Variants in GRAMD1B observed in about 807,000 individuals in gnomAD.
GRAMD1B encodes GRAM domain containing 1B, also known as protein Aster-B.
Under a neutral mutation model 99.7 loss-of-function variants are expected in GRAMD1B, and 37 were observed. That is an observed-to-expected ratio of 0.37 (90% confidence interval 0.29 to 0.49). GRAMD1B has a LOEUF of 0.49. GRAMD1B is among the 20% of genes least tolerant of loss of function. The probability of loss-of-function intolerance (pLI) is 0.98; values close to 1 mark genes in which losing one functional copy is unlikely to be tolerated. For synonymous variants in GRAMD1B, 427 were observed against 387.6 expected (o/e 1.10, Z -1.19); for missense variants, 888 against 1,009.2 (o/e 0.88, Z 1.63).
chr11:123,484,774 C>T (rs113500989), intron 2 of GRAMD1B, among the ~76,000 whole-genome samples: 1 of 152,150 alleles, frequency 6.6e-6, no homozygotes, highest in South Asian at 2.1e-4. Flanking sequence ...GGTTCCTTCT[C>T]CTGGAGAGAA....
chr11:123,561,437 A>G (rs1413850615), intron 2 of GRAMD1B, among the ~76,000 whole-genome samples: 1 of 152,222 alleles, frequency 6.6e-6, no homozygotes, highest in Non-Finnish European at 1.5e-5. Context: ...CAGAGAAATA[A>G]AAGGATTTGT....
intron 1 of GRAMD1B, among the ~76,000 whole-genome samples, chr11:123,382,249 AG>A (rs1946903474): frequency 6.6e-6 from 1 of 152,180 alleles, no homozygotes. Context: ...TCATAACAGA[AG>A]GATTGGGTGG....
intron 1 of GRAMD1B, among the ~76,000 whole-genome samples, chr11:123,470,791 A>G (rs1950980066): frequency 6.6e-6 from 1 of 152,170 alleles, no homozygotes; most frequent in Admixed American, 6.5e-5. Context: ...ATGTAGAGAG[A>G]GGTTAAGAAA....
chr11:123,386,479 T>G (rs1056076292), intron 1 of GRAMD1B, among the ~76,000 whole-genome samples: 1 of 147,548 alleles, frequency 6.8e-6, no homozygotes, highest in African/African-American at 2.5e-5. Flanking sequence ...ACTCTGTCAC[T>G]GAGGCTGAAG....
intron 1 of GRAMD1B, among the ~76,000 whole-genome samples, chr11:123,361,126 C>G (rs960577072): frequency 2.6e-5 from 4 of 152,080 alleles, no homozygotes; most frequent in Non-Finnish European, 5.9e-5. Context: ...GAAATCACAT[C>G]CTTCTAAGGA....
At chr11:123,409,438 C>T (rs531946574) in intron 1 of GRAMD1B, among the ~76,000 whole-genome samples, 1 of 152,276 alleles carries the variant, frequency 6.6e-6, no homozygotes, top group Admixed American at 6.5e-5. Context: ...CTAAAATGCC[C>T]CACTCTTGCT....
rs148032572 is a variant in GRAMD1B at position 123,596,522 on chromosome 11, T to C, written c.969+485T>C. On this transcript the variant is annotated intron_variant, in intron 7 of 19. Coordinates refer to ENST00000635736, the MANE Select transcript of GRAMD1B (RefSeq NM_001387025.1). The stretch of plus-strand genomic sequence containing the variant: ...CCTTATCAGTATGGGGAGAATACGT[T>C]GGATAAAATTCAGGACAGAACAAAC... 4.1e-3 allele frequency among the ~76,000 whole-genome samples: 624 copies of C among 152,252 alleles called. 4 individuals carry two copies. Among genetic ancestry groups the C allele is most frequent in the South Asian group, 0.014 (68 of 4,822 alleles).
At chr11:123,415,591 A>G (rs1214883544) in intron 1 of GRAMD1B, among the ~76,000 whole-genome samples, 1 of 151,780 alleles carries the variant, frequency 6.6e-6, no homozygotes. Flanking sequence ...CATTTTTATC[A>G]TTAAGGTCTT....
At chr11:123,521,250 T>A (rs560921832) in intron 2 of GRAMD1B, among the ~76,000 whole-genome samples, 2 of 152,254 alleles carry the variant, frequency 1.3e-5, no homozygotes, top group African/African-American at 4.8e-5. Context: ...GGGATGAGTA[T>A]GTGATGACAT....
At chr11:123,479,170 C>T (rs1361079477) in intron 1 of GRAMD1B, among the ~76,000 whole-genome samples, 12 of 152,236 alleles carry the variant, frequency 7.9e-5, no homozygotes, top group Non-Finnish European at 1.3e-4. Flanking sequence ...GCCGAGCAGC[C>T]GGAGGCTTTG....
chr11:123,424,644 C>T (rs1472292464), intron 1 of GRAMD1B, among the ~76,000 whole-genome samples: 1 of 152,114 alleles, frequency 6.6e-6, no homozygotes, highest in African/African-American at 2.4e-5. Context: ...CTGCTAACAC[C>T]CTATTCTTTT....
At chr11:123,518,519 G>A (rs901466905) in intron 2 of GRAMD1B, among the ~76,000 whole-genome samples, 5 of 152,144 alleles carry the variant, frequency 3.3e-5, no homozygotes, top group South Asian at 2.1e-4. Flanking sequence ...TCCTTACCCC[G>A]AGTTGCATGA....
In GRAMD1B at chr11:123,500,657, A is replaced by G. The variant is rs74879561; in HGVS notation, c.452+19764A>G. Among the ~76,000 whole-genome samples the G allele has an allele frequency of 5.0e-3, 759 of 152,222 alleles. 1 individual carries two copies. Among genetic ancestry groups the G allele is most frequent in the Non-Finnish European group, 8.4e-3 (574 of 68,020 alleles). On this transcript the variant is annotated intron_variant, in intron 2 of 19. Transcript: ENST00000635736. ...ATAATAATGGTATTATTATTAAAAT[A>G]ATAATAGCTACCTTGAAACCTTTTT... is the stretch of plus-strand genomic sequence containing the variant.
intron 18 of GRAMD1B, 131 bp downstream of exon 18, chr11:123,618,931 G>A: frequency 2.8e-6 from 2 of 711,222 alleles, no homozygotes; most frequent in Non-Finnish European, 5.0e-6. Context: ...GGGAAACTCA[G>A]AATCTCTCCC....
chr11:123,442,331 G>A (rs918140152), intron 1 of GRAMD1B, among the ~76,000 whole-genome samples: 4 of 152,110 alleles, frequency 2.6e-5, no homozygotes, highest in Admixed American at 6.5e-5. Flanking sequence ...CAGAGTTCCC[G>A]ACTCCCTTTT....
intron 2 of GRAMD1B, among the ~76,000 whole-genome samples, chr11:123,553,606 A>T (rs1046571944): frequency 5.3e-5 from 8 of 152,186 alleles, no homozygotes; most frequent in African/African-American, 1.9e-4. Flanking sequence ...CACTCACCTC[A>T]TGAGAGAGAT....
chr11:123,359,085 G>A (rs570482390), intron 1 of GRAMD1B, among the ~76,000 whole-genome samples: 21 of 152,136 alleles, frequency 1.4e-4, no homozygotes, highest in African/African-American at 4.1e-4. Flanking sequence ...TGGAGGTGGC[G>A]GAGCTGGCTT....
chr11:123,440,812 T>C (rs1200275776), intron 1 of GRAMD1B, among the ~76,000 whole-genome samples: 4 of 152,112 alleles, frequency 2.6e-5, no homozygotes, highest in African/African-American at 4.8e-5. Context: ...CTTGGCTGCG[T>C]CCCCACCCAA....
chr11:123,506,397 G>GTT (rs968086133), intron 2 of GRAMD1B, among the ~76,000 whole-genome samples: 2 of 146,448 alleles, frequency 1.4e-5, no homozygotes. Flanking sequence ...CATGTTTTTT[G>GTT]TTTTTTTTTT....
Sources: allele counts gnomAD v4.1 joint callset (sites outside exome capture counted in the v4.1 genomes callset), GRCh38; gene constraint gnomAD v4.1.1; transcripts MANE v1.5; gene names NCBI Gene and HGNC (gene_info 2026-07-23, HGNC 2026-07-21).